The following POU6F2 variants were observed in gnomAD, a reference collection of about 807,000 sequenced individuals.
POU6F2 encodes the protein POU domain, class 6, transcription factor 2.
In POU6F2, 31 loss-of-function variants were observed where a neutral mutation model predicts 71.3. The observed-to-expected ratio is 0.43, with a 90% confidence interval of 0.33 to 0.59. The LOEUF (loss-of-function observed/expected upper bound fraction) is 0.59, where lower values mean the gene tolerates loss of function less well. POU6F2 is among the 20% of genes least tolerant of loss of function. The pLI, the probability that POU6F2 is intolerant of heterozygous loss-of-function variation, is 0.04. For missense variants in POU6F2, 783 were observed against 856.8 expected (o/e 0.91, Z 1.07); for synonymous variants, 347 against 355.7 (o/e 0.98, Z 0.27).
intron 6 of POU6F2, among the ~76,000 whole-genome samples, chr7:39,430,027 G>A (rs1441946137): frequency 6.6e-6 from 1 of 152,164 alleles, no homozygotes; most frequent in African/African-American, 2.4e-5. Context: ...CCATGGAGGA[G>A]TTCTGATTAG....
rs116186248 is a variant in POU6F2, at chr7:39,041,278, C to T, written c.106-44582C>T. 5.8e-3 allele frequency among the ~76,000 whole-genome samples: 882 copies of T among 152,096 alleles called. 9 individuals are homozygous for T. The highest frequency in any genetic ancestry group is 0.02 in the African/African-American group (813 of 41,540). On this transcript the variant is annotated intron_variant, in intron 1 of 9. Transcript: ENST00000518318. The stretch of plus-strand genomic sequence containing the variant: ...CTTTTGTGCATTTTCCAATTTTTCA[C>T]TTCACAAGTTATCCTGTAAAGAAGT...
intron 1 of POU6F2, among the ~76,000 whole-genome samples, chr7:39,006,509 A>G (rs1789074903): frequency 6.6e-6 from 1 of 152,166 alleles, no homozygotes; most frequent in South Asian, 2.1e-4. Flanking sequence ...TTTTAAAAAT[A>G]TAGAACAATG....
chr7:39,464,918 G>GA lies in POU6F2; in HGVS notation c.*234dup, dbSNP rs1176125973. ...AATTTTTAGAAAATTTTTAAACAAGGAATACACCACACTGAAGGTGTGTGT... is the reference window on the plus strand; with the variant it reads ...AATTTTTAGAAAATTTTTAAACAAGGAAATACACCACACTGAAGGTGTGTGT... On this transcript the variant is annotated 3_prime_UTR_variant, in exon 10 of 10. Coordinates refer to ENST00000518318, the MANE Select transcript of POU6F2 (RefSeq NM_001370959.1). The surrounding 1 kb of genome is among the most constrained non-coding windows in gnomAD (Gnocchi z 4.1). The GA allele has an allele frequency of 1.7e-6, 1 of 573,364 alleles. No individual in the cohort carries two copies. The highest frequency in any genetic ancestry group is 3.0e-5 in the East Asian group (1 of 33,058). 35.5% of individuals were successfully genotyped at this position (573,364 alleles called of 1,614,324 possible). A position where few individuals can be genotyped will look rare whatever the true frequency, so the allele number is the denominator to read the frequency against.
intron 6 of POU6F2, among the ~76,000 whole-genome samples, chr7:39,411,760 T>C (rs1235804039): frequency 6.6e-6 from 1 of 152,176 alleles, no homozygotes; most frequent in Non-Finnish European, 1.5e-5. Flanking sequence ...GTTCTAACAG[T>C]AGCCTATGCA....
intron 2 of POU6F2, among the ~76,000 whole-genome samples, chr7:39,105,115 T>C (rs773688220): frequency 1.1e-4 from 16 of 152,240 alleles, no homozygotes; most frequent in Non-Finnish European, 1.6e-4. Flanking sequence ...AGATGGAATC[T>C]AGAAGTCCAC....
intron 4 of POU6F2, among the ~76,000 whole-genome samples, chr7:39,311,974 A>G (rs1052963103): frequency 2.0e-5 from 3 of 152,214 alleles, no homozygotes; most frequent in African/African-American, 4.8e-5. Context: ...TGATTAGAGA[A>G]TGGAATAATA....
intron 1 of POU6F2, among the ~76,000 whole-genome samples, chr7:39,021,450 A>G (rs190150787): frequency 1.3e-5 from 2 of 152,112 alleles, no homozygotes; most frequent in East Asian, 3.9e-4. Context: ...TTTAGTATTT[A>G]TGTACTCCAC....
chr7:39,423,683 A>G (rs985179070), intron 6 of POU6F2, among the ~76,000 whole-genome samples: 1 of 152,212 alleles, frequency 6.6e-6, no homozygotes, highest in Non-Finnish European at 1.5e-5. Context: ...AGCTTCGAGT[A>G]TATGTTAACC....
chr7:39,231,393 C>T (rs78374676), intron 4 of POU6F2, among the ~76,000 whole-genome samples: 7,014 of 152,172 alleles, frequency 0.046, 230 homozygotes, highest in South Asian at 0.1. Flanking sequence ...TTGACCCCTA[C>T]GGCATGCCAG....
intron 4 of POU6F2, among the ~76,000 whole-genome samples, chr7:39,234,556 A>G (rs576426419): frequency 2.7e-4 from 41 of 152,126 alleles, no homozygotes; most frequent in Admixed American, 1.8e-3. Context: ...GGAAGGAGAC[A>G]AAGTAAAGGA....
At chr7:39,305,688 G>A (rs1023843367) in intron 4 of POU6F2, among the ~76,000 whole-genome samples, 3 of 152,306 alleles carry the variant, frequency 2.0e-5, no homozygotes, top group East Asian at 1.9e-4. Flanking sequence ...ATTCCAATGA[G>A]AACATACAGT....
rs1789129168 is a variant in POU6F2, at chr7:39,468,593, T to C, written c.*3907T>C. The C allele has an allele frequency of 1.3e-5, 2 of 152,194 alleles. No homozygotes were observed. The allele number at this position is 152,194 out of a possible 1,614,324, so 9.4% of individuals were successfully genotyped here. A position where few individuals can be genotyped will look rare whatever the true frequency, so the allele number is the denominator to read the frequency against. Reference sequence around the variant, plus strand: ...TGTACCATAAAAAATAAATAATTGTTTGACATGAGCTTCTAGGCTAAGTGT... The same window carrying C: ...TGTACCATAAAAAATAAATAATTGTCTGACATGAGCTTCTAGGCTAAGTGT... On this transcript the variant is annotated 3_prime_UTR_variant, in exon 10 of 10. Coordinates refer to ENST00000518318, the MANE Select transcript of POU6F2 (RefSeq NM_001370959.1).
At chr7:39,417,692 T>C (rs780454980) in intron 6 of POU6F2, among the ~76,000 whole-genome samples, 23 of 152,106 alleles carry the variant, frequency 1.5e-4, no homozygotes, top group Non-Finnish European at 2.6e-4. Flanking sequence ...ATAGATACAA[T>C]AAACCAATCT....
chr7:38,979,871 G>GA (rs74403895), intron 1 of POU6F2, among the ~76,000 whole-genome samples: 2 of 151,864 alleles, frequency 1.3e-5, no homozygotes, highest in South Asian at 2.1e-4. Context: ...TATTTCTGGT[G>GA]AAAAAATCAG....
rs772953016 is a variant in POU6F2, at chr7:39,204,242, A to C, written c.285A>C (p.Arg95Ser). 1.4e-5 allele frequency: 22 copies of C among 1,613,582 alleles called. No homozygotes were observed. The East Asian group carries it at 4.7e-4, about 34-fold the overall frequency. ...EDTPSKLFGA[R>S]GNPALSDPGT... ...TTCTCTTTTGAATTCCAGGGGCTAG[A>C]GGAAACCCAGCATTATCAGACCCAG... is the stretch of plus-strand genomic sequence containing the variant. The change falls in exon 3 of 10, where the codon AGA (arginine) becomes AGC (serine). Residue 95 changes from arginine to serine, a missense_variant. Around this residue, in one of 2 missense-constraint regions of POU6F2, gnomAD observed 572 missense variants for 572.9 expected, o/e 1.00. Transcript: ENST00000518318.
chr7:39,100,861 G>T (rs551680183), intron 2 of POU6F2, among the ~76,000 whole-genome samples: 1 of 152,160 alleles, frequency 6.6e-6, no homozygotes, highest in Non-Finnish European at 1.5e-5. Flanking sequence ...CAGTGTCAGC[G>T]TGGAAAGAAT....
Position 39,039,647 on chromosome 7 carries a change from A to G in POU6F2, c.106-46213A>G, listed in dbSNP as rs372643672. ...TTAGGAATGGAGGTATGTTGGATTAAGAACCATCAGCATGTGAGTTGATAG... is the reference window on the plus strand; with the variant it reads ...TTAGGAATGGAGGTATGTTGGATTAGGAACCATCAGCATGTGAGTTGATAG... On this transcript the variant is annotated intron_variant, in intron 1 of 9. Transcript: ENST00000518318. Among the ~76,000 whole-genome samples the G allele has an allele frequency of 1.1e-4, 16 of 152,030 alleles. No individual in the cohort carries two copies. The East Asian group carries it at 1.6e-3, about 15-fold the overall frequency.
Position 39,185,472 on chromosome 7 carries a change from A to C in POU6F2, c.278-18763A>C, listed in dbSNP as rs201363573. 1.2e-4 allele frequency among the ~76,000 whole-genome samples: 19 copies of C among 152,328 alleles called. No individual in the cohort carries two copies. The East Asian group carries it at 3.7e-3, about 29-fold the overall frequency. On this transcript the variant is annotated intron_variant, in intron 2 of 9. Coordinates refer to ENST00000518318, the MANE Select transcript of POU6F2 (RefSeq NM_001370959.1). Reference sequence around the variant, plus strand: ...AATGACTTAAAACCGAAGTTTATGAAGGATATGTCTAAAAACAAAGCCTAC... The same window carrying C: ...AATGACTTAAAACCGAAGTTTATGACGGATATGTCTAAAAACAAAGCCTAC...
At chr7:39,118,459 C>T (rs1225186939) in intron 2 of POU6F2, among the ~76,000 whole-genome samples, 2 of 151,662 alleles carry the variant, frequency 1.3e-5, no homozygotes, top group African/African-American at 4.8e-5. Context: ...AATTGTGCAG[C>T]AGGAAAAGGA....
Sources: allele counts gnomAD v4.1 joint callset (sites outside exome capture counted in the v4.1 genomes callset), GRCh38; gene constraint gnomAD v4.1.1; regional missense constraint gnomAD v4.1.1; non-coding constraint Gnocchi (gnomAD v3.1); transcripts MANE v1.5; gene names NCBI Gene and HGNC (gene_info 2026-07-23, HGNC 2026-07-21).